LINGO2: variants seen among roughly 807,000 people sequenced by gnomAD.
The protein encoded by LINGO2 is leucine rich repeat and Ig domain containing 2.
Under a neutral mutation model 30.6 loss-of-function variants are expected in LINGO2, and 14 were observed. The observed-to-expected ratio is 0.46, with a 90% CI of 0.30 to 0.72. The LOEUF (loss-of-function observed/expected upper bound fraction) is 0.72, where lower values mean the gene tolerates loss of function less well. Among genes scored for constraint, LINGO2 ranks in the 30% least tolerant of loss-of-function variants. The pLI is 0.07. For missense variants in LINGO2, 729 were observed against 751.7 expected, an observed-to-expected ratio of 0.97 and a Z score of 0.35; for synonymous variants, 317 against 288.5, an observed-to-expected ratio of 1.10 and a Z score of -1.00.
chr9:29,014,822 A>T, the LINGO2 span, among the ~76,000 whole-genome samples: 1 of 152,152 alleles, frequency 6.6e-6, no homozygotes. Flanking sequence ...GTATGAATGT[A>T]AAAAATGTTA....
intron 4 of LINGO2, among the ~76,000 whole-genome samples, chr9:28,020,584 A>C (rs1161660625): frequency 1.3e-5 from 2 of 151,812 alleles, no homozygotes; most frequent in Admixed American, 6.6e-5. Flanking sequence ...ACAAAACAAG[A>C]AAGTGTTACC....
intron 3 of LINGO2, among the ~76,000 whole-genome samples, chr9:28,361,092 G>C (rs1245241710): frequency 1.3e-5 from 2 of 152,048 alleles, no homozygotes; most frequent in African/African-American, 4.8e-5. Flanking sequence ...TTATCTCTTT[G>C]TCCAGTGGAT....
chr9:29,021,385 G>T, the LINGO2 span, among the ~76,000 whole-genome samples: 1 of 152,150 alleles, frequency 6.6e-6, no homozygotes, highest in Non-Finnish European at 1.5e-5. Context: ...TAGGCCAGGT[G>T]CGGTGGCTAA....
At chr9:28,200,347 GAA>G (rs1337232353) in intron 4 of LINGO2, among the ~76,000 whole-genome samples, 1 of 151,538 alleles carries the variant, frequency 6.6e-6, no homozygotes, top group Non-Finnish European at 1.5e-5. Flanking sequence ...ACGTTTAGGG[GAA>G]AAAAAAGCCT....
the LINGO2 span, among the ~76,000 whole-genome samples, chr9:29,087,561 A>T: frequency 6.6e-6 from 1 of 152,300 alleles, no homozygotes; most frequent in South Asian, 2.1e-4. Context: ...GAGTTTTCCC[A>T]TAGACCACAC....
intron 3 of LINGO2, among the ~76,000 whole-genome samples, chr9:28,334,632 A>T (rs929417103): frequency 6.6e-6 from 1 of 152,138 alleles, no homozygotes; most frequent in Non-Finnish European, 1.5e-5. Flanking sequence ...TGGGTGGCGT[A>T]GTGGTTATGT....
intron 4 of LINGO2, among the ~76,000 whole-genome samples, chr9:28,026,295 A>T (rs1587716568): frequency 6.6e-6 from 1 of 152,184 alleles, no homozygotes; most frequent in African/African-American, 2.4e-5. Flanking sequence ...CACCTGGAGG[A>T]TTCCACTTTG....
intron 3 of LINGO2, among the ~76,000 whole-genome samples, chr9:28,372,431 C>T (rs569965667): frequency 2.6e-5 from 4 of 152,196 alleles, no homozygotes; most frequent in South Asian, 4.1e-4. Flanking sequence ...TCAAACTTCA[C>T]ATTCTTATAG....
the LINGO2 span, among the ~76,000 whole-genome samples, chr9:29,184,414 G>T: frequency 6.6e-6 from 1 of 151,524 alleles, no homozygotes; most frequent in Admixed American, 6.6e-5. Flanking sequence ...CCAAGTAAAT[G>T]TATTTTAAAG....
the LINGO2 span, among the ~76,000 whole-genome samples, chr9:28,863,461 A>T: frequency 0.38 from 58,220 of 151,884 alleles, 12,744 homozygotes; most frequent in Middle Eastern, 0.51. Context: ...TGTTTGACAC[A>T]GGTTTGATCA....
chr9:28,863,486 C>T, the LINGO2 span: 1 of 361,502 alleles, frequency 2.8e-6, no homozygotes, highest in Admixed American at 3.5e-5. Flanking sequence ...TAACACTAAG[C>T]ACCAAATAGA....
At chr9:28,997,694 G>T in the LINGO2 span, among the ~76,000 whole-genome samples, 1 of 151,930 alleles carries the variant, frequency 6.6e-6, no homozygotes, top group Non-Finnish European at 1.5e-5. Context: ...ATGGTAGTGG[G>T]CACCTATAGT....
chr9:28,421,535 T>C (rs554784338), intron 2 of LINGO2, among the ~76,000 whole-genome samples: 1 of 151,210 alleles, frequency 6.6e-6, no homozygotes, highest in Admixed American at 6.6e-5. Flanking sequence ...TTTTAAAATG[T>C]AGTACCATCA....
chr9:28,792,033 G>A, the LINGO2 span, among the ~76,000 whole-genome samples: 2 of 150,118 alleles, frequency 1.3e-5, no homozygotes, highest in African/African-American at 4.9e-5. Context: ...TTAAAATATA[G>A]ATATATATAT....
chr9:28,487,354 G>T lies in LINGO2; in HGVS notation c.-364-11329C>A, dbSNP rs111893611. Among the ~76,000 whole-genome samples, 1,309 of 152,268 alleles carry T rather than the reference G, an allele frequency of 8.6e-3. 17 individuals carry two copies. Among genetic ancestry groups the T allele is most frequent in the African/African-American group, 0.03 (1,256 of 41,552 alleles). ...TTGACTCACCAGGTATTTCTGGAAT[G>T]CAGGTAAGGTGATTTAGCATAAGCC... On this transcript the variant is annotated intron_variant, in intron 1 of 5. Transcript: ENST00000379992.
intron 3 of LINGO2, among the ~76,000 whole-genome samples, chr9:28,358,062 T>C (rs903212309): frequency 1.3e-5 from 2 of 152,134 alleles, no homozygotes; most frequent in Non-Finnish European, 2.9e-5. Flanking sequence ...TTCATTTTTC[T>C]CTCCATCTAG....
At chr9:29,081,645 C>G in the LINGO2 span, among the ~76,000 whole-genome samples, 1 of 152,012 alleles carries the variant, frequency 6.6e-6, no homozygotes, top group South Asian at 2.1e-4. Context: ...TCAAATTGTC[C>G]CTGTTTGCAG....
intron 4 of LINGO2, among the ~76,000 whole-genome samples, chr9:28,274,818 C>A (rs146072379): frequency 1.4e-4 from 21 of 152,266 alleles, no homozygotes; most frequent in East Asian, 5.8e-4. Context: ...ACTACTGGTA[C>A]CTTTTCTCAG....
the LINGO2 span, among the ~76,000 whole-genome samples, chr9:28,973,704 T>C: frequency 6.6e-6 from 1 of 152,168 alleles, no homozygotes; most frequent in African/African-American, 2.4e-5. Flanking sequence ...ATGTCTTTAT[T>C]AGCAGCATGA....
Sources: allele counts gnomAD v4.1 joint callset (sites outside exome capture counted in the v4.1 genomes callset), GRCh38; gene constraint gnomAD v4.1.1; transcripts MANE v1.5; gene names NCBI Gene and HGNC (gene_info 2026-07-23, HGNC 2026-07-21).